Variants in NOL4 observed in about 807,000 individuals in gnomAD.
NOL4 encodes cancer/testis antigen 125.
NOL4 carries 17 observed loss-of-function variants against 75.9 expected under a neutral mutation model. The observed-to-expected ratio is 0.22, with a 90% CI of 0.15 to 0.34. NOL4 has a LOEUF of 0.34. Among genes scored for constraint, NOL4 ranks in the 10% least tolerant of loss-of-function variants. NOL4 has a pLI of 1.00. For synonymous variants in NOL4, 292 were observed against 289.9 expected, an observed-to-expected ratio of 1.01 and a Z score of -0.07; for missense variants, 614 against 793.5, an observed-to-expected ratio of 0.77 and a Z score of 2.72.
intron 9 of NOL4, among the ~76,000 whole-genome samples, chr18:33,908,441 C>T (rs531550101): frequency 6.6e-6 from 1 of 152,250 alleles, no homozygotes; most frequent in Admixed American, 6.5e-5. Context: ...AATATCACTA[C>T]ATAATGGATT....
At chr18:34,158,587 A>G (rs1235809424) in intron 1 of NOL4, 7 of 152,222 alleles carry the variant, frequency 4.6e-5, no homozygotes, top group Non-Finnish European at 8.8e-5. Flanking sequence ...TTTACGTACT[A>G]TGTATCCCAG....
At chr18:34,111,591 G>C (rs1286173729) in intron 2 of NOL4, among the ~76,000 whole-genome samples, 1 of 151,890 alleles carries the variant, frequency 6.6e-6, no homozygotes, top group Non-Finnish European at 1.5e-5. Flanking sequence ...CCATAACTAT[G>C]GGTAATAAAT....
intron 1 of NOL4, among the ~76,000 whole-genome samples, chr18:34,136,745 T>C (rs1449198875): frequency 1.3e-5 from 2 of 152,138 alleles, no homozygotes; most frequent in African/African-American, 4.8e-5. Flanking sequence ...AATATAAACC[T>C]TATTTTGCAG....
intron 1 of NOL4, among the ~76,000 whole-genome samples, chr18:34,137,323 A>C (rs538299789): frequency 3.3e-5 from 5 of 152,296 alleles, no homozygotes; most frequent in Non-Finnish European, 7.4e-5. Flanking sequence ...TTATGATGCA[A>C]ATAATACCAC....
chr18:33,862,096 A>G (rs1292199233), intron 10 of NOL4, among the ~76,000 whole-genome samples: 5 of 152,198 alleles, frequency 3.3e-5, no homozygotes, highest in Non-Finnish European at 5.9e-5. Flanking sequence ...AACAGAACAG[A>G]GCCCTCAGAA....
intron 2 of NOL4, chr18:34,128,817 A>G (rs1208531378): frequency 4.4e-6 from 4 of 910,964 alleles, no homozygotes; most frequent in Non-Finnish European, 5.3e-6. Context: ...GCTATTTCTT[A>G]TGCTCAGTAG....
intron 10 of NOL4, among the ~76,000 whole-genome samples, chr18:33,879,825 C>T (rs1339192445): frequency 6.6e-6 from 1 of 151,920 alleles, no homozygotes; most frequent in Non-Finnish European, 1.5e-5. Flanking sequence ...ACTAAATAGC[C>T]TTGAGCATAT....
chr18:34,198,871 G>A (rs760665703), intron 1 of NOL4, among the ~76,000 whole-genome samples: 4 of 151,780 alleles, frequency 2.6e-5, no homozygotes, highest in Admixed American at 6.6e-5. Context: ...CAGCATACAA[G>A]CTCAAGTTCA....
At chr18:33,880,207 TA>T (rs1567996761) in intron 10 of NOL4, among the ~76,000 whole-genome samples, 1 of 152,086 alleles carries the variant, frequency 6.6e-6, no homozygotes, top group Non-Finnish European at 1.5e-5. Context: ...AGAAGACCTT[TA>T]TATATTGACC....
At chr18:33,942,439 C>T (rs1172252155) in intron 9 of NOL4, among the ~76,000 whole-genome samples, 1 of 151,656 alleles carries the variant, frequency 6.6e-6, no homozygotes, top group African/African-American at 2.4e-5. Flanking sequence ...GAGGGAAACA[C>T]CAGTGAGCAA....
chr18:34,123,011 T>C (rs1238758761), intron 2 of NOL4, among the ~76,000 whole-genome samples: 1 of 152,084 alleles, frequency 6.6e-6, no homozygotes, highest in African/African-American at 2.4e-5. Flanking sequence ...AAAGGTAAAT[T>C]ATATTTCAAA....
At chr18:34,064,952 C>T (rs1387491645) in intron 5 of NOL4, among the ~76,000 whole-genome samples, 1 of 148,142 alleles carries the variant, frequency 6.8e-6, no homozygotes, top group Non-Finnish European at 1.5e-5. Flanking sequence ...CACACACACA[C>T]ATCATATGTG....
rs765840708 is a variant in NOL4, at chr18:33,957,488, G to A, written c.1266C>T (p.Asn422=). Residue 422 remains asparagine (N), a synonymous_variant, in exon 8 of 11, where the codon AAC becomes AAT. Transcript: ENST00000261592. ...TAGAGATTGGGACCATTCGGTCCAA[G>A]TTTTCATCTACAAACAGCCTGACAA... is the stretch of plus-strand genomic sequence containing the variant. ...NMFVRLFVDE[N]LDRMVPISKQ... 170 of 1,613,230 alleles carry A rather than the reference G, an allele frequency of 1.1e-4. No individual in the cohort carries two copies. The highest frequency in any genetic ancestry group is 1.3e-4 in the Non-Finnish European group (152 of 1,179,630).
chr18:34,108,327 A>C (rs2079412285), intron 2 of NOL4, among the ~76,000 whole-genome samples: 1 of 152,166 alleles, frequency 6.6e-6, no homozygotes, highest in Non-Finnish European at 1.5e-5. Context: ...GTAAAATGGC[A>C]GTAGTAAGTC....
chr18:33,895,059 T>C (rs770165348), intron 9 of NOL4, among the ~76,000 whole-genome samples: 3 of 152,144 alleles, frequency 2.0e-5, no homozygotes, highest in Non-Finnish European at 4.4e-5. Context: ...TGTGTACATA[T>C]ATCAAAACAT....
At chr18:34,020,508 T>C (rs1206110452) in intron 5 of NOL4, among the ~76,000 whole-genome samples, 2 of 152,222 alleles carry the variant, frequency 1.3e-5, no homozygotes, top group African/African-American at 4.8e-5. Context: ...GGGAGTTTAA[T>C]ACCTAAGAAG....
intron 2 of NOL4, among the ~76,000 whole-genome samples, chr18:34,127,878 C>A (rs1312424767): frequency 1.3e-5 from 2 of 151,822 alleles, no homozygotes; most frequent in African/African-American, 2.4e-5. Flanking sequence ...AAGGTGACAA[C>A]ACTTTAGATG....
At chr18:33,878,775 CCTACTGGTA>C (rs776461890) in intron 10 of NOL4, among the ~76,000 whole-genome samples, 35 of 152,004 alleles carry the variant, frequency 2.3e-4, no homozygotes, top group Non-Finnish European at 4.4e-4. Context: ...ATCGGAAGTT[CCTACTGGTA>C]CTACCAATTC....
At chr18:34,037,193 C>G (rs1392440834) in intron 5 of NOL4, among the ~76,000 whole-genome samples, 1 of 151,876 alleles carries the variant, frequency 6.6e-6, no homozygotes, top group African/African-American at 2.4e-5. Flanking sequence ...CAAAAAATCC[C>G]AAGAAATAAA....
Sources: allele counts gnomAD v4.1 joint callset (sites outside exome capture counted in the v4.1 genomes callset), GRCh38; gene constraint gnomAD v4.1.1; transcripts MANE v1.5; gene names NCBI Gene and HGNC (gene_info 2026-07-23, HGNC 2026-07-21).